RAD51B: variants seen among roughly 807,000 people sequenced by gnomAD.
RAD51B encodes DNA repair protein RAD51 homolog 2.
In RAD51B, 38 loss-of-function variants were observed where a neutral mutation model predicts 42.2. That is an observed-to-expected ratio of 0.90 (90% CI 0.70 to 1.18). RAD51B has a LOEUF of 1.18. Ranked by LOEUF, RAD51B falls within the 50% of genes most tolerant of loss-of-function variation. RAD51B has a pLI of 0.00. For synonymous variants in RAD51B, 154 were observed against 145.2 expected (o/e 1.06, Z -0.43); for missense variants, 373 against 400.7 (o/e 0.93, Z 0.59).
intron 10 of RAD51B, among the ~76,000 whole-genome samples, chr14:68,551,400 G>T (rs1440869786): frequency 6.6e-6 from 1 of 152,248 alleles, no homozygotes; most frequent in Non-Finnish European, 1.5e-5. Context: ...GCCTCAGAGA[G>T]TGCCTGGCTG....
intron 10 of RAD51B, among the ~76,000 whole-genome samples, chr14:68,580,345 G>A (rs1890157275): frequency 6.6e-6 from 1 of 151,828 alleles, no homozygotes; most frequent in Non-Finnish European, 1.5e-5. Flanking sequence ...GTCTCCCAGG[G>A]TTGGAGGTCC....
chr14:67,971,549 A>G (rs908485297), intron 7 of RAD51B, among the ~76,000 whole-genome samples: 2 of 152,114 alleles, frequency 1.3e-5, no homozygotes, highest in South Asian at 2.1e-4. Flanking sequence ...TATTAAAATA[A>G]AGACAGTTTA....
At position 67,836,664 on chromosome 14, in the gene RAD51B, C is replaced by A. The variant is rs530775369; in HGVS notation, c.315+1468C>A. ...ATTTTTACTAGAGATGGGGTTTCAC[C>A]ATGTTGTCCAGGCTGGTCTCAAACT... On this transcript the variant is annotated intron_variant, in intron 4 of 10. Transcript: ENST00000471583. Among the ~76,000 whole-genome samples the A allele has an allele frequency of 5.3e-5, 8 of 152,150 alleles. No homozygotes were observed. In the East Asian group the frequency reaches 1.5e-3, roughly 29 times the overall value.
chr14:68,559,781 A>G (rs983616051), intron 10 of RAD51B, among the ~76,000 whole-genome samples: 1 of 152,160 alleles, frequency 6.6e-6, no homozygotes, highest in Non-Finnish European at 1.5e-5. Context: ...ATGGCAGGAA[A>G]GGTCTGTCGT....
chr14:68,288,323 T>C (rs760317738), intron 7 of RAD51B, among the ~76,000 whole-genome samples: 10 of 152,242 alleles, frequency 6.6e-5, no homozygotes, highest in Non-Finnish European at 1.5e-4. Context: ...TTCAGTAAGA[T>C]GGCATGATTA....
chr14:68,531,288 T>C (rs1388328075), intron 10 of RAD51B, among the ~76,000 whole-genome samples: 1 of 152,154 alleles, frequency 6.6e-6, no homozygotes, highest in Non-Finnish European at 1.5e-5. Flanking sequence ...ACAATAAATG[T>C]AAGCTGATTA....
intron 8 of RAD51B, among the ~76,000 whole-genome samples, chr14:68,351,323 A>G (rs888344626): frequency 6.6e-6 from 1 of 152,210 alleles, no homozygotes; most frequent in African/African-American, 2.4e-5. Context: ...TTGTACCAAA[A>G]GTAGAAAAGA....
chr14:68,004,815 G>A (rs2075552899), intron 7 of RAD51B, among the ~76,000 whole-genome samples: 1 of 151,972 alleles, frequency 6.6e-6, no homozygotes, highest in Non-Finnish European at 1.5e-5. Context: ...TGTATTTTAG[G>A]GGGGTTTGGT....
At chr14:68,354,435 G>A (rs980226073) in intron 8 of RAD51B, among the ~76,000 whole-genome samples, 1 of 151,978 alleles carries the variant, frequency 6.6e-6, no homozygotes, top group Non-Finnish European at 1.5e-5. Flanking sequence ...GGATGGTCTC[G>A]ATCCCTTGAC....
At chr14:68,201,115 T>C (rs1303254917) in intron 7 of RAD51B, among the ~76,000 whole-genome samples, 1 of 152,194 alleles carries the variant, frequency 6.6e-6, no homozygotes, top group African/African-American at 2.4e-5. Context: ...TTTTAAAAAA[T>C]ACAAATCATA....
intron 7 of RAD51B, among the ~76,000 whole-genome samples, chr14:68,025,988 G>GTGT (rs2075949971): frequency 6.6e-6 from 1 of 151,896 alleles, no homozygotes; most frequent in African/African-American, 2.4e-5. Context: ...AGGGAATTTC[G>GTGT]TGTTATAAGC....
chr14:68,526,812 C>A (rs538053860), intron 10 of RAD51B, among the ~76,000 whole-genome samples: 2 of 152,138 alleles, frequency 1.3e-5, no homozygotes, highest in African/African-American at 4.8e-5. Context: ...GTTCTTAGGT[C>A]CCCGAAAGTG....
intron 5 of RAD51B, among the ~76,000 whole-genome samples, chr14:67,868,684 C>T (rs1432879268): frequency 7.3e-5 from 11 of 149,888 alleles, no homozygotes; most frequent in South Asian, 2.1e-4. Context: ...ATAAATGTCC[C>T]TGTCTGACAG....
intron 7 of RAD51B, among the ~76,000 whole-genome samples, chr14:68,175,001 G>A (rs753876520): frequency 6.6e-6 from 1 of 152,272 alleles, no homozygotes; most frequent in Non-Finnish European, 1.5e-5. Flanking sequence ...GGAACAGAAT[G>A]TTCTCTACCT....
chr14:67,865,642 G>A (rs1466723917), intron 5 of RAD51B, among the ~76,000 whole-genome samples: 12 of 148,922 alleles, frequency 8.1e-5, no homozygotes, highest in African/African-American at 3.0e-4. Flanking sequence ...GGGTTCAAGC[G>A]ATTCTCCTGT....
intron 9 of RAD51B, among the ~76,000 whole-genome samples, chr14:68,461,062 T>G (rs1345861625): frequency 2.6e-5 from 4 of 152,034 alleles, no homozygotes; most frequent in Non-Finnish European, 4.4e-5. Flanking sequence ...TCAAATAGAT[T>G]ATGTTAAATT....
At chr14:68,026,957 G>T (rs76979100) in intron 7 of RAD51B, among the ~76,000 whole-genome samples, 95 of 152,232 alleles carry the variant, frequency 6.2e-4, no homozygotes, top group African/African-American at 2.1e-3. Context: ...ATGCTTAAGG[G>T]TGTTTTGTGG....
At chr14:68,021,595 A>T (rs2075867256) in intron 7 of RAD51B, among the ~76,000 whole-genome samples, 1 of 152,098 alleles carries the variant, frequency 6.6e-6, no homozygotes, top group South Asian at 2.1e-4. Context: ...CTGTGCTGTT[A>T]TTGACATTTG....
At chr14:68,283,369 A>G (rs1260739793) in intron 7 of RAD51B, among the ~76,000 whole-genome samples, 1 of 152,222 alleles carries the variant, frequency 6.6e-6, no homozygotes, top group African/African-American at 2.4e-5. Flanking sequence ...CGTACAGTGC[A>G]GCAGAAGGCT....
Sources: gnomAD v4.1 joint callset for allele counts (sites outside exome capture counted in the v4.1 genomes callset) on GRCh38, gnomAD v4.1.1 for gene constraint, MANE v1.5 for transcripts, NCBI Gene and HGNC (gene_info 2026-07-23, HGNC 2026-07-21) for gene names.